Variants in RPH3A observed in about 807,000 individuals in gnomAD.
RPH3A encodes rabphilin 3A.
Under a neutral mutation model 102.2 loss-of-function variants are expected in RPH3A, and 48 were observed. The ratio of observed to expected loss-of-function variants is 0.47; its 90% CI spans 0.37 to 0.60. RPH3A has a LOEUF of 0.60. RPH3A is among the 20% of genes least tolerant of loss of function. The pLI is 0.00. For missense variants in RPH3A, 781 were observed against 910.1 expected (o/e 0.86, Z 1.83); for synonymous variants, 310 against 324.3 (o/e 0.96, Z 0.47).
At chr12:112,758,183 C>T (rs939891218) in intron 1 of RPH3A, among the ~76,000 whole-genome samples, 2 of 152,292 alleles carry the variant, frequency 1.3e-5, no homozygotes, top group African/African-American at 2.4e-5. Flanking sequence ...GATGAGAGCT[C>T]GTGGATATTC....
At chr12:112,650,747 T>C (rs2039968271) in intron 1 of RPH3A, 2 of 151,412 alleles carry the variant, frequency 1.3e-5, no homozygotes, top group East Asian at 3.9e-4. Context: ...TTTTTTTTTT[T>C]GAAATAGGGT....
chr12:112,642,959 T>C (rs546334641), intron 1 of RPH3A, among the ~76,000 whole-genome samples: 6 of 152,256 alleles, frequency 3.9e-5, no homozygotes, highest in African/African-American at 1.4e-4. Context: ...TGAGTAGAGG[T>C]CAGGGGTGCT....
At chr12:112,758,259 A>G (rs1169867042) in intron 1 of RPH3A, among the ~76,000 whole-genome samples, 2 of 152,348 alleles carry the variant, frequency 1.3e-5, no homozygotes, top group East Asian at 3.9e-4. Flanking sequence ...CAGGCAACTG[A>G]CCAGCTCCAT....
chr12:112,655,386 C>T (rs925344039), intron 1 of RPH3A, among the ~76,000 whole-genome samples: 9 of 152,132 alleles, frequency 5.9e-5, no homozygotes, highest in African/African-American at 1.9e-4. Context: ...CCAGTGCTAG[C>T]AGTAAACTCA....
chr12:112,813,946 TTGTG>T (rs112069714), intron 2 of RPH3A, among the ~76,000 whole-genome samples: 8 of 148,576 alleles, frequency 5.4e-5, no homozygotes, highest in Non-Finnish European at 9.0e-5. Flanking sequence ...GTTTGTATGA[TTGTG>T]TGTGTGTGTG....
intron 1 of RPH3A, among the ~76,000 whole-genome samples, chr12:112,785,562 A>G (rs2041043162): frequency 6.6e-6 from 1 of 152,172 alleles, no homozygotes; most frequent in South Asian, 2.1e-4. Flanking sequence ...AATGGCCATG[A>G]TAATGAATAA....
intron 1 of RPH3A, among the ~76,000 whole-genome samples, chr12:112,640,325 C>CAAAAAAAAAAAAAA (rs1158230534): frequency 7.1e-5 from 1 of 14,078 alleles, no homozygotes; most frequent in African/African-American, 1.2e-4. Flanking sequence ...AACTCCATCT[C>CAAAAAAAAAAAAAA]AAAAAAAAAA....
intron 1 of RPH3A, among the ~76,000 whole-genome samples, chr12:112,668,736 A>C (rs555181278): frequency 2.0e-4 from 30 of 152,282 alleles, no homozygotes; most frequent in African/African-American, 7.0e-4. Flanking sequence ...ATGATGGGTT[A>C]ATAGGTGCAA....
chr12:112,666,112 T>C (rs2040081978), intron 1 of RPH3A, among the ~76,000 whole-genome samples: 3 of 152,232 alleles, frequency 2.0e-5, no homozygotes, highest in Admixed American at 1.3e-4. Flanking sequence ...TCCAACTGCT[T>C]GCCTTTACCT....
intron 1 of RPH3A, among the ~76,000 whole-genome samples, chr12:112,743,281 A>T (rs2040722720): frequency 6.6e-6 from 1 of 152,222 alleles, no homozygotes; most frequent in African/African-American, 2.4e-5. Context: ...GGAACACTCC[A>T]GGCTCCGCAT....
intron 3 of RPH3A, among the ~76,000 whole-genome samples, chr12:112,828,976 T>G (rs1448882083): frequency 6.6e-6 from 1 of 152,190 alleles, no homozygotes; most frequent in Non-Finnish European, 1.5e-5. Context: ...GCTCATATAT[T>G]TAGACTGGCA....
chr12:112,895,013 A>C (rs1211140836), intron 20 of RPH3A, among the ~76,000 whole-genome samples: 4 of 152,222 alleles, frequency 2.6e-5, no homozygotes, highest in Admixed American at 2.0e-4. Flanking sequence ...CAATGAACAT[A>C]AAATGAATTT....
At chr12:112,725,322 A>C (rs1483618818) in intron 1 of RPH3A, among the ~76,000 whole-genome samples, 2 of 149,294 alleles carry the variant, frequency 1.3e-5, no homozygotes, top group Non-Finnish European at 3.0e-5. Context: ...TTGAGGGGGC[A>C]CTTTCCCCAC....
At chr12:112,577,090 C>G (rs2039365955) in intron 1 of RPH3A, among the ~76,000 whole-genome samples, 1 of 151,818 alleles carries the variant, frequency 6.6e-6, no homozygotes, top group Admixed American at 6.6e-5. Context: ...GATCCAGATC[C>G]CAAGAGAGGG....
intron 1 of RPH3A, among the ~76,000 whole-genome samples, chr12:112,780,425 C>T (rs549248993): frequency 1.8e-4 from 26 of 142,670 alleles, no homozygotes; most frequent in Non-Finnish European, 2.9e-4. Flanking sequence ...CATCTCATGT[C>T]CCCTAGGTTT....
intron 1 of RPH3A, among the ~76,000 whole-genome samples, chr12:112,587,860 A>G (rs1224275534): frequency 2.0e-5 from 3 of 152,194 alleles, no homozygotes; most frequent in Non-Finnish European, 1.5e-5. Flanking sequence ...GACAATGGAT[A>G]TAATCACTTA....
At chr12:112,598,552 A>G (rs2039534974) in intron 1 of RPH3A, among the ~76,000 whole-genome samples, 1 of 152,164 alleles carries the variant, frequency 6.6e-6, no homozygotes, top group African/African-American at 2.4e-5. Context: ...GCCTTTTGAG[A>G]GTACTTGGTA....
intron 1 of RPH3A, among the ~76,000 whole-genome samples, chr12:112,724,966 TA>T (rs1195524780): frequency 0.016 from 2,088 of 134,330 alleles, 54 homozygotes; most frequent in African/African-American, 0.054. Context: ...AGACTCTGCC[TA>T]AAAAAAAAAA....
At chr12:112,814,493 G>A (rs1251923288) in intron 2 of RPH3A, among the ~76,000 whole-genome samples, 6 of 152,190 alleles carry the variant, frequency 3.9e-5, no homozygotes, top group Non-Finnish European at 8.8e-5. Context: ...TGATGGGGCT[G>A]ATGGTTAGAA....
Sources: allele counts gnomAD v4.1 joint callset (sites outside exome capture counted in the v4.1 genomes callset), GRCh38; gene constraint gnomAD v4.1.1; transcripts MANE v1.5; gene names NCBI Gene and HGNC (gene_info 2026-07-23, HGNC 2026-07-21).